The following LHPP variants were observed in gnomAD, a reference collection of about 807,000 sequenced individuals.
LHPP encodes the protein hLHPP.
A neutral mutation model predicts 30.3 loss-of-function variants in LHPP; 24 were observed. The ratio of observed to expected loss-of-function variants is 0.79; its 90% confidence interval spans 0.57 to 1.11. The LOEUF is 1.11. Among genes scored for constraint, LHPP ranks in the 50% most tolerant of loss-of-function variants. The pLI, the probability that LHPP is intolerant of heterozygous loss-of-function variation, is 0.00. For missense variants in LHPP, 356 were observed against 367.2 expected (o/e 0.97, Z 0.25); for synonymous variants, 150 against 157.1 (o/e 0.95, Z 0.34).
At chr10:124,498,533 GA>G in intron 5 of LHPP, 1 of 1,402,080 alleles carries the variant, frequency 7.1e-7, no homozygotes, top group Non-Finnish European at 9.4e-7. Flanking sequence ...ACTATTTTGG[GA>G]TAGATTGCCT....
chr10:124,475,749 C>T (rs1952923251), intron 1 of LHPP, among the ~76,000 whole-genome samples: 1 of 152,012 alleles, frequency 6.6e-6, no homozygotes, highest in Non-Finnish European at 1.5e-5. Context: ...CCCCTGCAGC[C>T]ACCATGGCCC....
At chr10:124,558,771 T>A (rs1217199366) in intron 6 of LHPP, among the ~76,000 whole-genome samples, 1 of 152,222 alleles carries the variant, frequency 6.6e-6, no homozygotes, top group Non-Finnish European at 1.5e-5. Context: ...TCAAGCTTAG[T>A]AGGACACAGA....
intron 6 of LHPP, among the ~76,000 whole-genome samples, chr10:124,534,375 C>A (rs1484750642): frequency 6.6e-6 from 1 of 152,232 alleles, no homozygotes; most frequent in African/African-American, 2.4e-5. Context: ...TGTGACTCTG[C>A]AGAGAGCCAA....
intron 1 of LHPP, among the ~76,000 whole-genome samples, chr10:124,482,345 A>T (rs569598573): frequency 6.5e-4 from 99 of 152,354 alleles, no homozygotes; most frequent in African/African-American, 2.3e-3. Context: ...AAGAGCCAAG[A>T]TGTCTGCATC....
At chr10:124,547,038 C>CGT (rs922486542) in intron 6 of LHPP, among the ~76,000 whole-genome samples, 5 of 3,374 alleles carry the variant, frequency 1.5e-3, no homozygotes, top group African/African-American at 9.6e-3. Context: ...CACACGCACA[C>CGT]GCGCGCACAC....
intron 3 of LHPP, among the ~76,000 whole-genome samples, chr10:124,495,553 T>G (rs1483580369): frequency 1.3e-5 from 2 of 151,974 alleles, no homozygotes; most frequent in Admixed American, 6.6e-5. Flanking sequence ...AGGCATCAGG[T>G]GGGGCAGAAA....
At chr10:124,582,325 C>T (rs1382364062) in intron 6 of LHPP, among the ~76,000 whole-genome samples, 1 of 152,180 alleles carries the variant, frequency 6.6e-6, no homozygotes, top group Non-Finnish European at 1.5e-5. Context: ...CTCAAGCAAT[C>T]CTCCTGGCTA....
intron 6 of LHPP, among the ~76,000 whole-genome samples, chr10:124,578,114 A>T (rs1408329387): frequency 6.6e-6 from 1 of 152,078 alleles, no homozygotes; most frequent in East Asian, 1.9e-4. Context: ...TCTTCCTCCC[A>T]TAGACACATT....
In LHPP at chr10:124,496,152, C is replaced by T. The variant is rs1055001841; in HGVS notation, c.468-809C>T. ...TGTATTCTTGGCTTTCAATGAACTGCGTCTTCAGAGCAGCGCAGGTTAAAC... is the reference window on the plus strand; with the variant it reads ...TGTATTCTTGGCTTTCAATGAACTGTGTCTTCAGAGCAGCGCAGGTTAAAC... On this transcript the variant is annotated intron_variant, in intron 3 of 6. Transcript: ENST00000368842. This position sits in a 1 kb window ranked among gnomAD's most constrained non-coding sequence, Gnocchi z 4.3. Among the ~76,000 whole-genome samples, 9 of 152,192 alleles carry T rather than the reference C, an allele frequency of 5.9e-5. No individual in the cohort carries two copies. The highest frequency in any genetic ancestry group is 2.6e-4 in the Admixed American group (4 of 15,284).
intron 6 of LHPP, among the ~76,000 whole-genome samples, chr10:124,542,877 G>A (rs906050687): frequency 2.0e-5 from 3 of 152,182 alleles, no homozygotes; most frequent in Admixed American, 6.5e-5. Context: ...CTCCCTGACC[G>A]AGGCTGAGGG....
chr10:124,555,010 C>T (rs34716560), intron 6 of LHPP, among the ~76,000 whole-genome samples: 21,041 of 152,234 alleles, frequency 0.14, 1,931 homozygotes, highest in Non-Finnish European at 0.2. Flanking sequence ...GCATTTTAGT[C>T]TCACTTTAGG....
intron 6 of LHPP, among the ~76,000 whole-genome samples, chr10:124,531,907 A>G (rs1249410014): frequency 1.3e-5 from 2 of 152,218 alleles, no homozygotes; most frequent in Non-Finnish European, 2.9e-5. Flanking sequence ...ATGGTCGCCA[A>G]ATAACTCCAT....
intron 2 of LHPP, among the ~76,000 whole-genome samples, chr10:124,485,725 C>T (rs974699841): frequency 2.0e-5 from 3 of 152,042 alleles, no homozygotes; most frequent in East Asian, 3.9e-4. Context: ...CTCAGCCCCC[C>T]AAGTAGCTGG....
chr10:124,486,199 G>A (rs1303707073), intron 2 of LHPP, among the ~76,000 whole-genome samples: 4 of 152,114 alleles, frequency 2.6e-5, no homozygotes, highest in Non-Finnish European at 5.9e-5. Context: ...ACCCAACCCC[G>A]TGAAGAGCTA....
At chr10:124,508,089 G>C (rs924907260) in intron 5 of LHPP, among the ~76,000 whole-genome samples, 3 of 151,952 alleles carry the variant, frequency 2.0e-5, no homozygotes, top group Non-Finnish European at 4.4e-5. Flanking sequence ...CTGACTATAG[G>C]GGTCTGGGGA....
At chr10:124,575,892 G>A (rs575105819) in intron 6 of LHPP, among the ~76,000 whole-genome samples, 33 of 152,214 alleles carry the variant, frequency 2.2e-4, no homozygotes, top group Non-Finnish European at 4.1e-4. Flanking sequence ...GGCATGAGGT[G>A]CCTGGACGGC....
At chr10:124,506,646 G>T (rs1200628555) in intron 5 of LHPP, among the ~76,000 whole-genome samples, 1 of 144,530 alleles carries the variant, frequency 6.9e-6, no homozygotes, top group African/African-American at 2.6e-5. Context: ...TTAGGGAGGT[G>T]GGGAGGGTAG....
chr10:124,485,585 T>A (rs903029010), intron 2 of LHPP, among the ~76,000 whole-genome samples: 4 of 146,530 alleles, frequency 2.7e-5, no homozygotes, highest in Non-Finnish European at 6.1e-5. Context: ...TCAAATAATT[T>A]TTACTTGGAA....
At chr10:124,497,364 C>G (rs1218987126) in intron 4 of LHPP, among the ~76,000 whole-genome samples, 1 of 151,942 alleles carries the variant, frequency 6.6e-6, no homozygotes, top group African/African-American at 2.4e-5. Context: ...TGCCACACTC[C>G]TCTCGGGCTT....
Sources: allele counts gnomAD v4.1 joint callset (sites outside exome capture counted in the v4.1 genomes callset), GRCh38; gene constraint gnomAD v4.1.1; non-coding constraint Gnocchi (gnomAD v3.1); transcripts MANE v1.5; gene names NCBI Gene and HGNC (gene_info 2026-07-23, HGNC 2026-07-21).